The following TSHZ1 variants were observed in gnomAD, a reference collection of about 807,000 sequenced individuals.
TSHZ1 encodes teashirt homolog 1.
A neutral mutation model predicts 67.1 loss-of-function variants in TSHZ1; 12 were observed. The observed-to-expected ratio is 0.18, with a 90% CI of 0.11 to 0.29. TSHZ1 has a LOEUF of 0.29. Among genes scored for constraint, TSHZ1 ranks in the 10% least tolerant of loss-of-function variants. The pLI is 1.00. For synonymous variants in TSHZ1, 632 were observed against 622.4 expected, an observed-to-expected ratio of 1.02 and a Z score of -0.23; for missense variants, 1,305 against 1,413.9, an observed-to-expected ratio of 0.92 and a Z score of 1.23.
intron 1 of TSHZ1, among the ~76,000 whole-genome samples, chr18:75,220,095 A>T (rs1272277779): frequency 6.6e-6 from 1 of 152,204 alleles, no homozygotes; most frequent in Non-Finnish European, 1.5e-5. Flanking sequence ...CAGTGTTAAT[A>T]TTTACTACTA....
rs910858779 is a variant in TSHZ1 at position 75,281,369 on chromosome 18, G to A, written c.41-4079G>A. ...GGAGAAAGTGTGCTGTTGTTTTGAGGAGGAGGGTGCTGGAGAGGGCGGTGG... is the reference window on the plus strand; with the variant it reads ...GGAGAAAGTGTGCTGTTGTTTTGAGAAGGAGGGTGCTGGAGAGGGCGGTGG... On this transcript the variant is annotated intron_variant, in intron 1 of 1. Coordinates refer to ENST00000580243, the MANE Select transcript of TSHZ1 (RefSeq NM_001308210.2). The surrounding 1 kb of genome is among the most constrained non-coding windows in gnomAD (Gnocchi z 5.3). Among the ~76,000 whole-genome samples, 1 of 152,206 alleles carries A rather than the reference G, an allele frequency of 6.6e-6. No individual in the cohort carries two copies. Among genetic ancestry groups the A allele is most frequent in the Non-Finnish European group, 1.5e-5 (1 of 68,028 alleles).
At chr18:75,248,147 A>T (rs2023247420) in intron 1 of TSHZ1, among the ~76,000 whole-genome samples, 1 of 152,240 alleles carries the variant, frequency 6.6e-6, no homozygotes, top group South Asian at 2.1e-4. Context: ...CTCATACTGG[A>T]AACTGTATCC....
intron 1 of TSHZ1, among the ~76,000 whole-genome samples, chr18:75,234,694 G>T (rs531328934): frequency 3.9e-5 from 6 of 152,102 alleles, no homozygotes; most frequent in African/African-American, 1.4e-4. Flanking sequence ...TAAAAAAAAT[G>T]CTGTGAGGTT....
At position 75,288,209 on chromosome 18, in the gene TSHZ1, G is replaced by A. The variant is rs769188916; in HGVS notation, c.2802G>A (p.Gly934=). 2.2e-5 allele frequency: 35 copies of A among 1,614,224 alleles called. No homozygotes were observed. The highest frequency in any genetic ancestry group is 3.3e-5 in the Admixed American group (2 of 60,030). ...GGGTGCACATCTCGAAGTTTACTGG[G>A]CTCTCCATGACCACCATCAGCCACT... The part of the protein sequence containing the change: ...QERVHISKFT[G]LSMTTISHWL... Residue 934 remains glycine, a synonymous_variant, in exon 2 of 2, where the codon GGG becomes GGA. Coordinates refer to ENST00000580243, the MANE Select transcript of TSHZ1 (RefSeq NM_001308210.2). This position sits in a 1 kb window ranked among gnomAD's most constrained non-coding sequence, Gnocchi z 4.9.
At chr18:75,284,455 C>T in intron 1 of TSHZ1, 1 of 152,238 alleles carries the variant, frequency 6.6e-6, no homozygotes. Context: ...TTTAAGTGCA[C>T]AGTTTCATGG....
chr18:75,251,977 A>G (rs1044707789), intron 1 of TSHZ1, among the ~76,000 whole-genome samples: 1 of 152,194 alleles, frequency 6.6e-6, no homozygotes, highest in African/African-American at 2.4e-5. Flanking sequence ...AATTAATGAA[A>G]CTTATTTGAA....
chr18:75,252,790 C>T (rs944475248), intron 1 of TSHZ1, among the ~76,000 whole-genome samples: 1 of 152,036 alleles, frequency 6.6e-6, no homozygotes, highest in South Asian at 2.1e-4. Flanking sequence ...TTTCAATGAA[C>T]AATCTGCCTC....
chr18:75,247,997 A>G (rs2023245474), intron 1 of TSHZ1, among the ~76,000 whole-genome samples: 1 of 152,190 alleles, frequency 6.6e-6, no homozygotes, highest in African/African-American at 2.4e-5. Flanking sequence ...AACCACAGTA[A>G]GAAAGCACTG....
At position 75,288,257 on chromosome 18, in the gene TSHZ1, G is replaced by A; in HGVS notation, c.2850G>A (p.Gln950=). 1.9e-6 allele frequency: 3 copies of A among 1,614,234 alleles called. No individual in the cohort carries two copies. The highest frequency in any genetic ancestry group is 2.5e-6 in the Non-Finnish European group (3 of 1,180,048). Residue 950 remains glutamine (Q), a synonymous_variant, in exon 2 of 2, where the codon CAG becomes CAA. Transcript: ENST00000580243. This position sits in a 1 kb window ranked among gnomAD's most constrained non-coding sequence, Gnocchi z 4.9. ...ISHWLANVKY[Q]LRRTGGTKFL... ...ACTGGCTGGCCAATGTGAAGTACCA[G>A]TTGAGGAGGACAGGGGGAACGAAAT...
chr18:75,248,407 A>G (rs2023250384), intron 1 of TSHZ1, among the ~76,000 whole-genome samples: 1 of 152,232 alleles, frequency 6.6e-6, no homozygotes, highest in African/African-American at 2.4e-5. Context: ...TGTGGCCCAC[A>G]TGTTTCCTTC....
Position 75,277,767 on chromosome 18 carries a change from G to A in TSHZ1, c.41-7681G>A, listed in dbSNP as rs182920817. 1.1e-3 allele frequency among the ~76,000 whole-genome samples: 164 copies of A among 152,254 alleles called. 1 individual carries two copies. Among genetic ancestry groups the A allele is most frequent in the African/African-American group, 3.8e-3 (160 of 41,562 alleles). ...ATTTCAACAGAGGAATTCGAGGGCG[G>A]GGATACAAACATTCAGACCGCAGCA... On this transcript the variant is annotated intron_variant, in intron 1 of 1. Coordinates refer to ENST00000580243, the MANE Select transcript of TSHZ1 (RefSeq NM_001308210.2).
intron 1 of TSHZ1, among the ~76,000 whole-genome samples, chr18:75,252,085 A>C (rs1194534122): frequency 1.3e-5 from 2 of 152,140 alleles, no homozygotes; most frequent in Admixed American, 6.5e-5. Flanking sequence ...GTCTATCTAT[A>C]TTTATCTCTG....
At chr18:75,258,773 G>A (rs2023394039) in intron 1 of TSHZ1, among the ~76,000 whole-genome samples, 1 of 152,102 alleles carries the variant, frequency 6.6e-6, no homozygotes, top group Admixed American at 6.6e-5. Flanking sequence ...AGCCATCCAG[G>A]ACTGCCCTCC....
At chr18:75,251,346 T>C (rs2023300931) in intron 1 of TSHZ1, among the ~76,000 whole-genome samples, 1 of 152,080 alleles carries the variant, frequency 6.6e-6, no homozygotes, top group African/African-American at 2.4e-5. Flanking sequence ...CAGGGTCTTT[T>C]TCTTTCTTGT....
chr18:75,267,955 G>A (rs1232499547), intron 1 of TSHZ1, among the ~76,000 whole-genome samples: 2 of 152,182 alleles, frequency 1.3e-5, no homozygotes, highest in East Asian at 1.9e-4. Flanking sequence ...AAGTGGGTTC[G>A]AAGGGGGTTA....
At chr18:75,252,309 AC>A (rs1423797982) in intron 1 of TSHZ1, among the ~76,000 whole-genome samples, 2 of 152,216 alleles carry the variant, frequency 1.3e-5, no homozygotes, top group African/African-American at 2.4e-5. Context: ...AAGTAAAATT[AC>A]CAGGTCAAAG....
chr18:75,229,509 A>C (rs2022969883), intron 1 of TSHZ1, among the ~76,000 whole-genome samples: 1 of 152,202 alleles, frequency 6.6e-6, no homozygotes, highest in Non-Finnish European at 1.5e-5. Flanking sequence ...CCATAAGGGC[A>C]GGGCCATCTT....
rs531385031 is a variant in TSHZ1, at chr18:75,260,222, T to G, written c.41-25226T>G. On this transcript the variant is annotated intron_variant, in intron 1 of 1. Transcript: ENST00000580243. The stretch of plus-strand genomic sequence containing the variant: ...TTTCCCTGGCCTTCAGTCACTAACG[T>G]GTGAATTCATTTCAATAGCAAATAT... Among the ~76,000 whole-genome samples, 46 of 116,046 alleles carry G rather than the reference T, an allele frequency of 4.0e-4. No homozygotes were observed. In the South Asian group the frequency reaches 0.013, roughly 32 times the overall value. The allele number at this position is 116,046 out of a possible 152,430, so 76.1% of individuals were successfully genotyped here.
chr18:75,229,426 G>T (rs2022968283), intron 1 of TSHZ1, among the ~76,000 whole-genome samples: 1 of 152,246 alleles, frequency 6.6e-6, no homozygotes, highest in South Asian at 2.1e-4. Flanking sequence ...CATGCAGGGG[G>T]ACCCATCGGA....
Sources: allele counts gnomAD v4.1 joint callset (sites outside exome capture counted in the v4.1 genomes callset), GRCh38; gene constraint gnomAD v4.1.1; non-coding constraint Gnocchi (gnomAD v3.1); transcripts MANE v1.5; gene names NCBI Gene and HGNC (gene_info 2026-07-23, HGNC 2026-07-21).